The following VEZF1 variants were observed in gnomAD, a reference collection of about 807,000 sequenced individuals.
The protein encoded by VEZF1 is putative transcription factor DB1.
Under a neutral mutation model 44.1 loss-of-function variants are expected in VEZF1, and 5 were observed. The observed-to-expected ratio is 0.11, with a 90% confidence interval of 0.06 to 0.24. The LOEUF (loss-of-function observed/expected upper bound fraction) is 0.24, where lower values mean the gene tolerates loss of function less well. Among genes scored for constraint, VEZF1 ranks in the 10% least tolerant of loss-of-function variants. The pLI is 1.00. For missense variants in VEZF1, 358 were observed against 641.8 expected (o/e 0.56, Z 4.78); for synonymous variants, 236 against 233.1 (o/e 1.01, Z -0.11).
At chr17:57,986,519 T>C (rs1358607627) in intron 1 of VEZF1, among the ~76,000 whole-genome samples, 2 of 152,188 alleles carry the variant, frequency 1.3e-5, no homozygotes, top group African/African-American at 2.4e-5. Context: ...TATCACATTA[T>C]TAGCAAGCTC....
rs962743348 is a variant in VEZF1 at position 57,988,061 on chromosome 17, C to CG, written c.33+17dup. On this transcript the variant is annotated intron_variant, in intron 1 of 5. Coordinates refer to ENST00000581208, the MANE Select transcript of VEZF1 (RefSeq NM_007146.3). The stretch of plus-strand genomic sequence containing the variant: ...CCCCCCTGTCCCCCCCGTGCCCCCC[C>CG]GGGGGGGCCCCCAGTACCTGGAACA... 5.6e-5 allele frequency: 23 copies of CG among 410,624 alleles called. No individual in the cohort carries two copies. Among genetic ancestry groups the CG allele is most frequent in the South Asian group, 9.9e-5 (1 of 10,064 alleles). The allele number at this position is 410,624 out of a possible 1,614,324, so 25.4% of individuals were successfully genotyped here. A position where few individuals can be genotyped will look rare whatever the true frequency, so the allele number is the denominator to read the frequency against.
rs1294816661 is a variant in VEZF1, at chr17:57,988,197, G to GGCGGCGGCGGCAACGGCA, written c.-104_-87dup. The GGCGGCGGCGGCAACGGCA allele has an allele frequency of 2.0e-5, 6 of 300,856 alleles. No individual in the cohort carries two copies. The highest frequency in any genetic ancestry group is 1.2e-4 in the South Asian group (1 of 8,476). 18.6% of individuals were successfully genotyped at this position (300,856 alleles called of 1,614,324 possible). ...GAGGAGGCGACAACAAAGCGGCGGC[G>GGCGGCGGCGGCAACGGCA]GCGGCGGCGGCAACGGCAGCGGCGG... On this transcript the variant is annotated 5_prime_UTR_variant, in exon 1 of 6. Coordinates refer to ENST00000581208, the MANE Select transcript of VEZF1 (RefSeq NM_007146.3).
At position 57,973,927 on chromosome 17, in the gene VEZF1, T is replaced by A. The variant is rs2075163211; in HGVS notation, c.*546A>T. On this transcript the variant is annotated 3_prime_UTR_variant, in exon 6 of 6. Transcript: ENST00000581208. ...CACCTTTCCCATAGGGAATGCTGCC[T>A]GAAATTAACATATTCCCAAAGGTAA... 6.3e-6 allele frequency: 1 copy of A among 158,298 alleles called. No individual in the cohort carries two copies. Among genetic ancestry groups the A allele is most frequent in the African/African-American group, 2.4e-5 (1 of 41,462 alleles). The allele number at this position is 158,298 out of a possible 1,614,324, so 9.8% of individuals were successfully genotyped here. A position where few individuals can be genotyped will look rare whatever the true frequency, so the allele number is the denominator to read the frequency against.
At chr17:57,974,971 ATTTCT>A in intron 5 of VEZF1, 71 bp from the exon 6 acceptor site, 1 of 1,468,272 alleles carries the variant, frequency 6.8e-7, no homozygotes, top group Non-Finnish European at 9.2e-7. Flanking sequence ...TTCTGAATCA[ATTTCT>A]TTTCATTAAA....
chr17:57,976,281 C>T (rs2075190168), intron 5 of VEZF1, among the ~76,000 whole-genome samples: 1 of 152,088 alleles, frequency 6.6e-6, no homozygotes, highest in Admixed American at 6.5e-5. Context: ...CGCAGGGGGA[C>T]CCTTGAGTCA....
At chr17:57,979,034 T>C (rs2075219358) in intron 5 of VEZF1, 118 bp downstream of exon 5, 1 of 1,330,136 alleles carries the variant, frequency 7.5e-7, no homozygotes, top group East Asian at 2.3e-5. Flanking sequence ...ATGCACTATT[T>C]CCATGTTTCC....
intron 5 of VEZF1, among the ~76,000 whole-genome samples, chr17:57,978,656 G>C (rs1363019607): frequency 6.6e-6 from 1 of 152,090 alleles, no homozygotes; most frequent in Non-Finnish European, 1.5e-5. Flanking sequence ...GTGACCAAGA[G>C]AAAAGACATC....
chr17:57,977,788 G>A (rs1217869254), intron 5 of VEZF1, among the ~76,000 whole-genome samples: 1 of 150,966 alleles, frequency 6.6e-6, no homozygotes, highest in Non-Finnish European at 1.5e-5. Context: ...AGGTTGTGGT[G>A]AGACAAGATC....
In VEZF1 at chr17:57,980,732, G is replaced by A. The variant is rs1409924136; in HGVS notation, c.847C>T (p.His283Tyr). 6.2e-7 allele frequency: 1 copy of A among 1,614,064 alleles called. No homozygotes were observed. ...ATGTTACATGATACCTTGCCTTCAT[G>A]GCGCACCATGTGTGTCCGCAGTCTG... is the stretch of plus-strand genomic sequence containing the variant. ...KDRLRTHMVR[H>Y]EGKVSCNICG... is the part of the protein sequence containing the mutation. The change falls in exon 4 of 6, where the codon CAT becomes TAT. Residue 283 changes from histidine (H) to tyrosine (Y), a missense_variant. Around this residue, in one of 4 missense-constraint regions of VEZF1, gnomAD observed 48 missense variants for 144.9 expected, o/e 0.33. Coordinates refer to ENST00000581208, the MANE Select transcript of VEZF1 (RefSeq NM_007146.3).
In VEZF1 at chr17:57,980,673, G is replaced by A. The variant is rs1485461596; in HGVS notation, c.906C>T (p.Thr302=). 1.2e-6 allele frequency: 2 copies of A among 1,613,900 alleles called. No individual in the cohort carries two copies. The highest frequency in any genetic ancestry group is 1.7e-6 in the Non-Finnish European group (2 of 1,180,058). The change falls in exon 4 of 6, where the codon ACC becomes ACT. Residue 302 remains threonine (T), a synonymous_variant. Coordinates refer to ENST00000581208, the MANE Select transcript of VEZF1 (RefSeq NM_007146.3). Reference sequence around the variant, plus strand: ...TCTGCCCATGAGTCTTTAAGTGGCTGGTGATGTATGCTGCACTCAGGAGCT... The same window carrying A: ...TCTGCCCATGAGTCTTTAAGTGGCTAGTGATGTATGCTGCACTCAGGAGCT... ...CGKLLSAAYI[T]SHLKTHGQSQ... is the part of the protein sequence containing the mutation.
intron 1 of VEZF1, among the ~76,000 whole-genome samples, chr17:57,987,568 G>A (rs947003550): frequency 3.9e-5 from 6 of 151,976 alleles, no homozygotes; most frequent in African/African-American, 1.5e-4. Context: ...ACACACGCAC[G>A]CACACACACA....
At chr17:57,980,818 T>C (rs976318757) in intron 3 of VEZF1, 32 bp from the exon 4 acceptor site, 13 of 1,608,146 alleles carry the variant, frequency 8.1e-6, no homozygotes, top group Admixed American at 5.1e-5. Flanking sequence ...TTTTTAAATA[T>C]AGACTATCCT....
intron 4 of VEZF1, 26 bp downstream of exon 4, chr17:57,980,577 G>A: frequency 1.2e-6 from 2 of 1,602,606 alleles, no homozygotes; most frequent in Non-Finnish European, 1.7e-6. Flanking sequence ...AAATATAAAA[G>A]AAAGAAAATC....
At chr17:57,979,390 T>A in intron 4 of VEZF1, 77 bp from the exon 5 acceptor site, 1 of 1,584,784 alleles carries the variant, frequency 6.3e-7, no homozygotes, top group African/African-American at 1.3e-5. Context: ...TGACTTCTCA[T>A]GCTTCTGTGA....
chr17:57,987,913 A>G (rs1278000268), intron 1 of VEZF1, among the ~76,000 whole-genome samples, 166 bp downstream of exon 1: 1 of 151,378 alleles, frequency 6.6e-6, no homozygotes, highest in East Asian at 2.0e-4. Context: ...CTTTCACCTC[A>G]GCAGCCCCGC....
intron 5 of VEZF1, among the ~76,000 whole-genome samples, chr17:57,976,614 C>T (rs1342878667): frequency 6.6e-6 from 1 of 152,124 alleles, no homozygotes; most frequent in African/African-American, 2.4e-5. Flanking sequence ...ATTTTCAGGT[C>T]AGGAGTCTCC....
intron 5 of VEZF1, among the ~76,000 whole-genome samples, chr17:57,976,907 ACT>A (rs1490827657): frequency 6.6e-6 from 1 of 151,534 alleles, no homozygotes; most frequent in East Asian, 1.9e-4. Context: ...AAGAATTTTT[ACT>A]CTCTTATCTG....
At position 57,972,169 on chromosome 17, in the gene VEZF1, T is replaced by C. The variant is rs1255304758; in HGVS notation, c.*2304A>G. 1.3e-5 allele frequency: 2 copies of C among 152,636 alleles called. No individual in the cohort carries two copies. Among genetic ancestry groups the C allele is most frequent in the East Asian group, 3.8e-4 (2 of 5,196 alleles). The allele number at this position is 152,636 out of a possible 1,614,324, so 9.5% of individuals were successfully genotyped here. A position where few individuals can be genotyped will look rare whatever the true frequency, so the allele number is the denominator to read the frequency against. ...AATGAATTGATAAAACAATTACTTC[T>C]AGTATATATCTTTTTTTTTTTAGAA... is the stretch of plus-strand genomic sequence containing the variant. On this transcript the variant is annotated 3_prime_UTR_variant, in exon 6 of 6. Transcript: ENST00000581208.
chr17:57,981,894 T>C lies in VEZF1; in HGVS notation c.771A>G (p.Thr257=). ...LSCHVKHVHS[T]ERPFKCQTCT... ...TTACTTGGCATTTGAAGGGTCTTTC[T>C]GTTGAATGGACATGTTTTACATGAC... is the stretch of plus-strand genomic sequence containing the variant. Residue 257 remains threonine (T), a synonymous_variant, in exon 3 of 6, where the codon ACA becomes ACG. Transcript: ENST00000581208. 6.2e-7 allele frequency: 1 copy of C among 1,614,194 alleles called. No individual in the cohort carries two copies. Among genetic ancestry groups the C allele is most frequent in the Admixed American group, 1.7e-5 (1 of 60,030 alleles).
Sources: gnomAD v4.1 joint callset for allele counts (sites outside exome capture counted in the v4.1 genomes callset) on GRCh38, gnomAD v4.1.1 for gene constraint, gnomAD v4.1.1 regional missense constraint, MANE v1.5 for transcripts, NCBI Gene and HGNC (gene_info 2026-07-23, HGNC 2026-07-21) for gene names.